The following PALLD variants were observed in gnomAD, a reference collection of about 807,000 sequenced individuals.
The protein encoded by PALLD is palladin, cytoskeletal associated protein.
A neutral mutation model predicts 123.5 loss-of-function variants in PALLD; 61 were observed. The ratio of observed to expected loss-of-function variants is 0.49; its 90% CI spans 0.40 to 0.61. PALLD has a LOEUF of 0.61. Ranked by LOEUF, PALLD falls within the 20% of genes least tolerant of loss-of-function variation. The probability of loss-of-function intolerance (pLI) is 0.00; values close to 1 mark genes in which losing one functional copy is unlikely to be tolerated. For synonymous variants in PALLD, 465 were observed against 496.4 expected (o/e 0.94, Z 0.84); for missense variants, 1,273 against 1,377.0 (o/e 0.92, Z 1.20).
chr4:168,505,912 A>G (rs1173592907), intron 1 of PALLD, among the ~76,000 whole-genome samples: 1 of 152,260 alleles, frequency 6.6e-6, no homozygotes, highest in African/African-American at 2.4e-5. Flanking sequence ...TTCATGTGCC[A>G]TATAGTCTCT....
chr4:168,811,757 TTCTCTCTCTC>T (rs1225193326), intron 10 of PALLD, among the ~76,000 whole-genome samples: 5 of 130,208 alleles, frequency 3.8e-5, no homozygotes, highest in African/African-American at 1.4e-4. Context: ...CTCTCTCTCT[TTCTCTCTCTC>T]TCTCTCTCTC....
chr4:168,626,421 A>G (rs28766099), intron 2 of PALLD, among the ~76,000 whole-genome samples: 98,178 of 139,152 alleles, frequency 0.71, 35,540 homozygotes, highest in Middle Eastern at 0.81. Context: ...AAAAAAAAAA[A>G]GGTGGTGACT....
intron 10 of PALLD, among the ~76,000 whole-genome samples, chr4:168,798,968 A>G (rs1202508291): frequency 2.0e-5 from 3 of 152,236 alleles, no homozygotes; most frequent in Non-Finnish European, 4.4e-5. Context: ...TGAACGAATC[A>G]TGAATCGGGC....
chr4:168,795,633 A>G (rs1738381461), intron 10 of PALLD, among the ~76,000 whole-genome samples: 1 of 152,124 alleles, frequency 6.6e-6, no homozygotes, highest in South Asian at 2.1e-4. Context: ...AGAATGTTCT[A>G]TTCCCCACAG....
chr4:168,623,326 T>C, intron 2 of PALLD, among the ~76,000 whole-genome samples: 1 of 152,226 alleles, frequency 6.6e-6, no homozygotes, highest in East Asian at 1.9e-4. Context: ...GCTACTTTAT[T>C]ATAGAAATAA....
intron 2 of PALLD, among the ~76,000 whole-genome samples, chr4:168,541,751 C>A (rs1305907437): frequency 6.6e-6 from 1 of 152,102 alleles, no homozygotes; most frequent in Non-Finnish European, 1.5e-5. Flanking sequence ...CCATGCCCAG[C>A]CTCTCTTACT....
At chr4:168,734,769 G>A (rs1787560282) in intron 10 of PALLD, among the ~76,000 whole-genome samples, 1 of 152,104 alleles carries the variant, frequency 6.6e-6, no homozygotes, top group Non-Finnish European at 1.5e-5. Flanking sequence ...GAGAGAAGGA[G>A]GAGGAGGAGC....
At chr4:168,819,785 T>C (rs1475996406) in intron 10 of PALLD, among the ~76,000 whole-genome samples, 2 of 152,192 alleles carry the variant, frequency 1.3e-5, no homozygotes, top group African/African-American at 4.8e-5. Flanking sequence ...TAAATATATA[T>C]TTATAGAATT....
chr4:168,732,248 T>C lies in PALLD; in HGVS notation c.1964+20325T>C, dbSNP rs79651986. ...AAGAGTTTCCGAAGAACTTGTGGCATATTTCTTGTCAGTTCTCTTGAAGTT... is the reference window on the plus strand; with the variant it reads ...AAGAGTTTCCGAAGAACTTGTGGCACATTTCTTGTCAGTTCTCTTGAAGTT... On this transcript the variant is annotated intron_variant, in intron 10 of 21. Transcript: ENST00000505667. Among the ~76,000 whole-genome samples the C allele has an allele frequency of 4.7e-3, 710 of 152,362 alleles. 9 individuals carry two copies. Among genetic ancestry groups the C allele is most frequent in the East Asian group, 0.023 (121 of 5,180 alleles).
chr4:168,558,737 T>A lies in PALLD; in HGVS notation c.908+46325T>A, dbSNP rs548885518. Among the ~76,000 whole-genome samples, 26 of 152,306 alleles carry A rather than the reference T, an allele frequency of 1.7e-4. 1 individual carries two copies. Among genetic ancestry groups the A allele is most frequent in the Middle Eastern group, 6.8e-3 (2 of 294 alleles). ...TGAAGCAGAGACCAGAGGAGCCCCA[T>A]TCTAACATCCTGTTACATAAGTGAA... is the stretch of plus-strand genomic sequence containing the variant. On this transcript the variant is annotated intron_variant, in intron 2 of 21. Coordinates refer to ENST00000505667, the MANE Select transcript of PALLD (RefSeq NM_001166108.2).
chr4:168,548,291 C>T (rs906847408), intron 2 of PALLD, among the ~76,000 whole-genome samples: 2 of 151,462 alleles, frequency 1.3e-5, no homozygotes, highest in African/African-American at 4.9e-5. Flanking sequence ...AGAGGCTCTT[C>T]CTTACTTTTT....
intron 10 of PALLD, chr4:168,832,033 C>G (rs1744289066): frequency 2.0e-6 from 2 of 985,304 alleles, no homozygotes; most frequent in Admixed American, 6.1e-5. Flanking sequence ...GGTGAAGGCT[C>G]GGAGCCTCCT....
At chr4:168,799,108 AT>A (rs1738936854) in intron 10 of PALLD, among the ~76,000 whole-genome samples, 1 of 152,182 alleles carries the variant, frequency 6.6e-6, no homozygotes, top group Non-Finnish European at 1.5e-5. Flanking sequence ...AAACAGCTGG[AT>A]TGGTTACAGG....
In PALLD at chr4:168,894,692, TG is replaced by T. The variant is rs1243533027; in HGVS notation, c.2199+17del. On this transcript the variant is annotated intron_variant, in intron 12 of 21. Coordinates refer to ENST00000505667, the MANE Select transcript of PALLD (RefSeq NM_001166108.2). Reference sequence around the variant, plus strand: ...CAGCTAATCAGGTACCATGTTGCTCTGGACTTCTTAGGGTAACATTTATTCT... The same window carrying T: ...CAGCTAATCAGGTACCATGTTGCTCTGACTTCTTAGGGTAACATTTATTCT... 6.2e-7 allele frequency: 1 copy of T among 1,611,380 alleles called. No homozygotes were observed. Among genetic ancestry groups the T allele is most frequent in the Non-Finnish European group, 8.5e-7 (1 of 1,178,520 alleles).
intron 10 of PALLD, among the ~76,000 whole-genome samples, chr4:168,886,409 A>G (rs1053548955): frequency 1.3e-5 from 2 of 152,190 alleles, no homozygotes; most frequent in Non-Finnish European, 2.9e-5. Context: ...TGAAAGGCCA[A>G]AGCAGGAAGA....
intron 8 of PALLD, among the ~76,000 whole-genome samples, chr4:168,695,723 G>A (rs1783070988): frequency 6.6e-6 from 1 of 151,804 alleles, no homozygotes; most frequent in African/African-American, 2.4e-5. Context: ...AAGAAATAGT[G>A]GTTATTTAAG....
chr4:168,663,523 G>C (rs1561365160), intron 2 of PALLD, among the ~76,000 whole-genome samples: 1 of 152,150 alleles, frequency 6.6e-6, no homozygotes, highest in East Asian at 1.9e-4. Flanking sequence ...AATAGAGGGG[G>C]TGCAGAGTGT....
chr4:168,621,311 T>C (rs1362010275), intron 2 of PALLD, among the ~76,000 whole-genome samples: 3 of 152,234 alleles, frequency 2.0e-5, no homozygotes, highest in African/African-American at 7.2e-5. Flanking sequence ...ACTAAAACTT[T>C]TCCAGATGTA....
intron 10 of PALLD, among the ~76,000 whole-genome samples, chr4:168,732,239 CT>C (rs1371816405): frequency 3.1e-4 from 47 of 152,332 alleles, no homozygotes; most frequent in African/African-American, 7.0e-4. Context: ...TTCCGAAGAA[CT>C]TGTGGCATAT....
Sources: allele counts gnomAD v4.1 joint callset (sites outside exome capture counted in the v4.1 genomes callset), GRCh38; gene constraint gnomAD v4.1.1; transcripts MANE v1.5; gene names NCBI Gene and HGNC (gene_info 2026-07-23, HGNC 2026-07-21).